The following ANKRD36 variants were observed in gnomAD, a reference collection of about 807,000 sequenced individuals.
ANKRD36 encodes ankyrin repeat domain-containing protein 36A.
In ANKRD36, 179 loss-of-function variants were observed where a neutral mutation model predicts 278.1. The observed-to-expected ratio is 0.64, with a 90% CI of 0.57 to 0.73. ANKRD36 has a LOEUF of 0.73. ANKRD36 is among the 30% of genes least tolerant of loss of function. ANKRD36 has a pLI of 0.00. For missense variants in ANKRD36, 1,159 were observed against 1,956.7 expected (o/e 0.59, Z 7.69); for synonymous variants, 320 against 641.1 (o/e 0.50, Z 7.57).
chr2:97,131,843 T>G (rs949704219), intron 6 of ANKRD36, among the ~76,000 whole-genome samples: 10 of 151,966 alleles, frequency 6.6e-5, no homozygotes, highest in Non-Finnish European at 1.0e-4. Flanking sequence ...AGATTTTTTT[T>G]TTTGAGGCTG....
chr2:97,122,898 G>T lies in ANKRD36; in HGVS notation c.498G>T (p.Gln166His). 1 of 1,540,692 alleles carries T rather than the reference G, an allele frequency of 6.5e-7. No homozygotes were observed. Among genetic ancestry groups the T allele is most frequent in the Non-Finnish European group, 8.8e-7 (1 of 1,141,426 alleles). Reference sequence around the variant, plus strand: ...CTGTTATTTTACAGTGTGAATATCAGCCACTGTTATTTGCTGTGAGTCGAA... The same window carrying T: ...CTGTTATTTTACAGTGTGAATATCATCCACTGTTATTTGCTGTGAGTCGAA... ...NIEECSKCEYQPLLFAVSRRK... is the reference protein window; with the variant it reads ...NIEECSKCEYHPLLFAVSRRK... The change falls in exon 4 of 76, where the codon CAG (glutamine) becomes CAT (histidine). Residue 166 changes from glutamine to histidine, a missense_variant. Coordinates refer to ENST00000420699, the MANE Select transcript of ANKRD36 (RefSeq NM_001354587.1).
Position 97,201,167 on chromosome 2 carries a change from A to G in ANKRD36, c.2857+642A>G, listed in dbSNP as rs186845247. Among the ~76,000 whole-genome samples the G allele has an allele frequency of 8.4e-4, 128 of 151,988 alleles. No individual in the cohort carries two copies. The East Asian group carries it at 0.023, about 27-fold the overall frequency. On this transcript the variant is annotated intron_variant, in intron 46 of 75. Coordinates refer to ENST00000420699, the MANE Select transcript of ANKRD36 (RefSeq NM_001354587.1). ...GTTTGAATTGGCATAAAAACACAATAACTCATTACTCCTCTTTGTTACTAC... is the reference window on the plus strand; with the variant it reads ...GTTTGAATTGGCATAAAAACACAATGACTCATTACTCCTCTTTGTTACTAC...
intron 75 of ANKRD36, among the ~76,000 whole-genome samples, chr2:97,262,548 A>G (rs532994800): frequency 2.0e-4 from 26 of 128,706 alleles, no homozygotes; most frequent in African/African-American, 8.4e-4. Context: ...ACTATAATCA[A>G]ATTGTCCAAA....
At chr2:97,232,942 A>G (rs1304877724) in intron 67 of ANKRD36, among the ~76,000 whole-genome samples, 1 of 151,872 alleles carries the variant, frequency 6.6e-6, no homozygotes, top group Non-Finnish European at 1.5e-5. Flanking sequence ...ATATGCCTCA[A>G]TTTAGTGATT....
chr2:97,180,009 G>GT, intron 24 of ANKRD36, 76 bp downstream of exon 24: 9 of 1,589,132 alleles, frequency 5.7e-6, no homozygotes, highest in Non-Finnish European at 6.8e-6. Flanking sequence ...ATAAATCAGT[G>GT]GGGAGTCCAT....
chr2:97,151,470 G>T (rs369147233), intron 12 of ANKRD36, among the ~76,000 whole-genome samples: 1 of 152,204 alleles, frequency 6.6e-6, no homozygotes, highest in Non-Finnish European at 1.5e-5. Flanking sequence ...TTTTCCCACA[G>T]AAAGTAATTC....
intron 46 of ANKRD36, among the ~76,000 whole-genome samples, chr2:97,200,750 A>G (rs1487317386): frequency 1.3e-5 from 2 of 151,900 alleles, no homozygotes; most frequent in African/African-American, 4.8e-5. Context: ...AGGAAGAAAC[A>G]TGGAGAGCAG....
chr2:97,202,924 G>A (rs1423846548), intron 48 of ANKRD36, among the ~76,000 whole-genome samples: 8 of 151,712 alleles, frequency 5.3e-5, no homozygotes, highest in Admixed American at 4.6e-4. Context: ...AAACCTGAGT[G>A]AACTCACTTC....
chr2:97,226,600 C>A (rs1439089899), intron 67 of ANKRD36, among the ~76,000 whole-genome samples: 1 of 151,990 alleles, frequency 6.6e-6, no homozygotes, highest in Non-Finnish European at 1.5e-5. Context: ...ATGGTAGTTT[C>A]TTTTGCTGTG....
chr2:97,191,327 G>A, intron 36 of ANKRD36, 146 bp downstream of exon 36: 1 of 1,027,906 alleles, frequency 9.7e-7, no homozygotes, highest in South Asian at 1.8e-5. Flanking sequence ...AAGTTCTTGG[G>A]TGATGGTGAT....
chr2:97,159,209 C>G (rs2048247736), intron 17 of ANKRD36, among the ~76,000 whole-genome samples: 2 of 152,014 alleles, frequency 1.3e-5, no homozygotes, highest in Middle Eastern at 3.4e-3. Context: ...TTCTGAGTGA[C>G]TTACGGGTGA....
At chr2:97,160,771 T>A (rs1328814090) in intron 17 of ANKRD36, among the ~76,000 whole-genome samples, 1 of 152,106 alleles carries the variant, frequency 6.6e-6, no homozygotes, top group Non-Finnish European at 1.5e-5. Context: ...AAATGCCTTA[T>A]AATTCCATAA....
rs749584928 is a variant in ANKRD36 at position 97,202,229 on chromosome 2, A to C, written c.2885A>C (p.Lys962Thr). Residue 962 changes from lysine to threonine, a missense_variant and splice_region_variant, in exon 47 of 76, where the codon AAG becomes ACG. Lys to Thr is a moderately conservative substitution (Grantham distance 78, BLOSUM62 -1). Coordinates refer to ENST00000420699, the MANE Select transcript of ANKRD36 (RefSeq NM_001354587.1). ...TCTTCTCAGAAACCACCAGCCTTGA[A>C]GGTAATGAAACTCCCATTTATCTTG... Reference protein sequence around the residue: ...KVSSQKPPALKGTSDEEDSVL... With the variant: ...KVSSQKPPALTGTSDEEDSVL... 5.6e-6 allele frequency: 9 copies of C among 1,609,320 alleles called. No individual in the cohort carries two copies. In the African/African-American group the frequency reaches 8.0e-5, roughly 14 times the overall value.
chr2:97,147,462 C>T (rs1422844413), intron 11 of ANKRD36, among the ~76,000 whole-genome samples: 1 of 151,862 alleles, frequency 6.6e-6, no homozygotes, highest in Non-Finnish European at 1.5e-5. Context: ...AGAGACTAAA[C>T]AAAGTATCCT....
chr2:97,190,549 GA>G (rs201851119), intron 34 of ANKRD36, among the ~76,000 whole-genome samples: 10,604 of 151,728 alleles, frequency 0.07, 562 homozygotes, highest in Middle Eastern at 0.17. Flanking sequence ...GCAAGTTAAA[GA>G]GCATGATGAA....
intron 5 of ANKRD36, among the ~76,000 whole-genome samples, chr2:97,126,528 A>G (rs995974762): frequency 6.6e-6 from 1 of 151,896 alleles, no homozygotes; most frequent in Non-Finnish European, 1.5e-5. Flanking sequence ...AGGACTTAAC[A>G]TTTTTCTTAA....
At chr2:97,192,800 T>C in intron 36 of ANKRD36, 58 bp from the exon 37 acceptor site, 1 of 1,547,702 alleles carries the variant, frequency 6.5e-7, no homozygotes, top group South Asian at 1.1e-5. Context: ...TTCATGAATG[T>C]ATGGATAACT....
intron 6 of ANKRD36, among the ~76,000 whole-genome samples, chr2:97,137,597 ACACACACACACCGAG>A (rs2041865591): frequency 3.1e-5 from 1 of 32,126 alleles, no homozygotes; most frequent in Non-Finnish European, 3.0e-4. Flanking sequence ...ATATATACAC[ACACACACACACCGAG>A]TATATGCCCA....
chr2:97,178,718 A>G (rs1247935637), intron 22 of ANKRD36, among the ~76,000 whole-genome samples: 1 of 151,212 alleles, frequency 6.6e-6, no homozygotes, highest in Non-Finnish European at 1.5e-5. Context: ...TGGGAGATAT[A>G]CCTAATGCTA....
Sources: allele counts gnomAD v4.1 joint callset (sites outside exome capture counted in the v4.1 genomes callset), GRCh38; gene constraint gnomAD v4.1.1; transcripts MANE v1.5; gene names NCBI Gene and HGNC (gene_info 2026-07-23, HGNC 2026-07-21).